Variants in CENPW observed in about 807,000 individuals in gnomAD.
CENPW encodes the protein centromere protein W.
Under a neutral mutation model 11.1 loss-of-function variants are expected in CENPW, and 3 were observed. The ratio of observed to expected loss-of-function variants is 0.27; its 90% CI spans 0.12 to 0.70. CENPW has a LOEUF of 0.70. CENPW is among the 30% of genes least tolerant of loss of function. The pLI is 0.77. For missense variants in CENPW, 100 were observed against 105.6 expected, an observed-to-expected ratio of 0.95 and a Z score of 0.23; for synonymous variants, 38 against 42.0, an observed-to-expected ratio of 0.91 and a Z score of 0.37.
chr6:126,354,998 A>G, the CENPW span, among the ~76,000 whole-genome samples: 1 of 152,180 alleles, frequency 6.6e-6, no homozygotes, highest in African/African-American at 2.4e-5. Flanking sequence ...GTTTAATTTA[A>G]TATGAAACTA....
intron 1 of CENPW, among the ~76,000 whole-genome samples, chr6:126,340,626 T>A (rs538698892): frequency 1.3e-5 from 2 of 152,348 alleles, no homozygotes; most frequent in South Asian, 4.1e-4. Flanking sequence ...TCTGGATCTT[T>A]TTAAAGGGAG....
chr6:126,420,692 G>A, the CENPW span, among the ~76,000 whole-genome samples: 1 of 152,106 alleles, frequency 6.6e-6, no homozygotes. Context: ...CAGCTTTGAA[G>A]AAAATGTCCT....
chr6:126,418,378 A>T, the CENPW span, among the ~76,000 whole-genome samples: 3 of 152,188 alleles, frequency 2.0e-5, no homozygotes, highest in Non-Finnish European at 2.9e-5. Flanking sequence ...AATAAATAAA[A>T]TGTGGTATAT....
chr6:126,355,955 T>C, the CENPW span, among the ~76,000 whole-genome samples: 1 of 152,156 alleles, frequency 6.6e-6, no homozygotes, highest in African/African-American at 2.4e-5. Flanking sequence ...ATGTAGCCAG[T>C]AGTAATACAT....
the CENPW span, among the ~76,000 whole-genome samples, chr6:126,420,201 G>T: frequency 5.1e-4 from 77 of 152,250 alleles, no homozygotes; most frequent in African/African-American, 1.7e-3. Flanking sequence ...AGAAGAAAGA[G>T]AAACAAATTT....
chr6:126,342,863 T>C (rs1390365551), intron 1 of CENPW, among the ~76,000 whole-genome samples: 3 of 152,212 alleles, frequency 2.0e-5, no homozygotes, highest in Non-Finnish European at 4.4e-5. Flanking sequence ...TGGATTGATG[T>C]CATTTCTAGC....
the CENPW span, among the ~76,000 whole-genome samples, chr6:126,355,729 A>G: frequency 6.6e-6 from 1 of 152,164 alleles, no homozygotes; most frequent in African/African-American, 2.4e-5. Flanking sequence ...GTCCTGTGAG[A>G]GAGTACTTGC....
chr6:126,375,196 G>A, the CENPW span, among the ~76,000 whole-genome samples: 2 of 152,134 alleles, frequency 1.3e-5, no homozygotes, highest in Non-Finnish European at 2.9e-5. Context: ...GCCATGAAGA[G>A]AAAATAAACC....
chr6:126,387,610 A>C, the CENPW span, among the ~76,000 whole-genome samples: 3 of 151,956 alleles, frequency 2.0e-5, no homozygotes, highest in Non-Finnish European at 2.9e-5. Flanking sequence ...AGAAGACATG[A>C]ATCAGTCGAT....
At chr6:126,385,751 C>T in the CENPW span, among the ~76,000 whole-genome samples, 1 of 152,080 alleles carries the variant, frequency 6.6e-6, no homozygotes, top group Non-Finnish European at 1.5e-5. Flanking sequence ...CTTCTTCCTG[C>T]TGCCTATTCA....
the CENPW span, among the ~76,000 whole-genome samples, chr6:126,464,001 T>C: frequency 6.6e-6 from 1 of 152,200 alleles, no homozygotes; most frequent in Non-Finnish European, 1.5e-5. Context: ...AATAAGATCT[T>C]TCTTGTAAGA....
chr6:126,411,336 G>A, the CENPW span, among the ~76,000 whole-genome samples: 1 of 152,186 alleles, frequency 6.6e-6, no homozygotes, highest in Non-Finnish European at 1.5e-5. Context: ...TGGATGTCAA[G>A]TGCTTTTATG....
At chr6:126,363,584 G>C in the CENPW span, among the ~76,000 whole-genome samples, 1 of 152,166 alleles carries the variant, frequency 6.6e-6, no homozygotes, top group Non-Finnish European at 1.5e-5. Context: ...CCATGACTCT[G>C]TTATGTTCTC....
chr6:126,373,409 A>G, the CENPW span, among the ~76,000 whole-genome samples: 18 of 152,364 alleles, frequency 1.2e-4, no homozygotes, highest in African/African-American at 4.3e-4. Context: ...TCTTCGAGCC[A>G]TAAAAATTTG....
At chr6:126,426,572 A>C in the CENPW span, among the ~76,000 whole-genome samples, 1 of 152,198 alleles carries the variant, frequency 6.6e-6, no homozygotes, top group Admixed American at 6.5e-5. Flanking sequence ...CATAGTCAGA[A>C]ATAGCTCACA....
chr6:126,442,719 GGT>G, the CENPW span, among the ~76,000 whole-genome samples: 3 of 151,056 alleles, frequency 2.0e-5, no homozygotes, highest in Admixed American at 1.3e-4. Flanking sequence ...AAAGAAAGTG[GGT>G]TCAAATGTAA....
the CENPW span, among the ~76,000 whole-genome samples, chr6:126,433,790 T>A: frequency 6.6e-6 from 1 of 152,066 alleles, no homozygotes; most frequent in African/African-American, 2.4e-5. Context: ...CTCAACCTTG[T>A]CTTGATTATG....
chr6:126,393,251 G>C, the CENPW span, among the ~76,000 whole-genome samples: 57 of 151,532 alleles, frequency 3.8e-4, no homozygotes, highest in East Asian at 0.01. Context: ...TCATTTCATT[G>C]ATTATTTGCA....
the CENPW span, among the ~76,000 whole-genome samples, chr6:126,452,137 C>T: frequency 4.0e-5 from 6 of 151,006 alleles, no homozygotes. Flanking sequence ...AATTGATTTC[C>T]TACTGAAAGG....
Sources: gnomAD v4.1 joint callset for allele counts (sites outside exome capture counted in the v4.1 genomes callset) on GRCh38, gnomAD v4.1.1 for gene constraint, MANE v1.5 for transcripts, NCBI Gene and HGNC (gene_info 2026-07-23, HGNC 2026-07-21) for gene names.